The following NRROS variants were observed in gnomAD, a reference collection of about 807,000 sequenced individuals.
The protein encoded by NRROS is negative regulator of reactive oxygen species, also known as transforming growth factor beta activator LRRC33.
A neutral mutation model predicts 12.0 loss-of-function variants in NRROS; 6 were observed. That is an observed-to-expected ratio of 0.50 (90% CI 0.27 to 0.98). The LOEUF is 0.98. Among genes scored for constraint, NRROS ranks in the 50% least tolerant of loss-of-function variants. The pLI is 0.11. For synonymous variants in NRROS, 462 were observed against 410.2 expected (o/e 1.13, Z -1.53); for missense variants, 857 against 888.2 (o/e 0.96, Z 0.45).
intron 2 of NRROS, among the ~76,000 whole-genome samples, chr3:196,659,296 CTTTT>C (rs35305090): frequency 3.0e-3 from 244 of 81,436 alleles, no homozygotes; most frequent in Non-Finnish European, 4.7e-3. Flanking sequence ...CTCTCAAGTC[CTTTT>C]TTTTTTTTTT....
chr3:196,657,030 C>T (rs749011852), intron 2 of NRROS, among the ~76,000 whole-genome samples: 1 of 151,772 alleles, frequency 6.6e-6, no homozygotes, highest in Non-Finnish European at 1.5e-5. Context: ...ATGGTGAAAG[C>T]CCGTCTCTAC....
At chr3:196,641,289 C>T (rs1199255498) in intron 1 of NRROS, among the ~76,000 whole-genome samples, 1 of 152,146 alleles carries the variant, frequency 6.6e-6, no homozygotes, top group Non-Finnish European at 1.5e-5. Context: ...TCACAGATCA[C>T]TGCAGCCTCA....
chr3:196,646,874 A>AGCC (rs1737323842), intron 1 of NRROS, among the ~76,000 whole-genome samples: 1 of 152,160 alleles, frequency 6.6e-6, no homozygotes, highest in Admixed American at 6.5e-5. Context: ...GCCTTCGCCG[A>AGCC]GCCGCCGCGT....
At chr3:196,649,021 G>A (rs963400611) in intron 1 of NRROS, among the ~76,000 whole-genome samples, 6 of 152,154 alleles carry the variant, frequency 3.9e-5, no homozygotes, top group Non-Finnish European at 8.8e-5. Context: ...GTTCCACCAG[G>A]ACAGTACCCT....
Position 196,660,126 on chromosome 3 carries a change from C to T in NRROS, c.483C>T (p.Ser161=). The change falls in exon 3 of 3, where the codon TCC becomes TCT. Residue 161 remains serine, a synonymous_variant. Coordinates refer to ENST00000328557, the MANE Select transcript of NRROS (RefSeq NM_198565.3). The surrounding 1 kb of genome is among the most constrained non-coding windows in gnomAD (Gnocchi z 7.7). ...LMLQNLSSLR[S]VSLAGNTIMR... The stretch of plus-strand genomic sequence containing the variant: ...TCCAGAACCTCTCCTCGCTGCGGTC[C>T]GTGTCCCTGGCGGGGAACACCATCA... 1.9e-6 allele frequency: 3 copies of T among 1,613,072 alleles called. No individual in the cohort carries two copies. Among genetic ancestry groups the T allele is most frequent in the Non-Finnish European group, 1.7e-6 (2 of 1,179,902 alleles).
rs137985437 is a variant in NRROS, at chr3:196,660,827, C to T, written c.1184C>T (p.Pro395Leu). The T allele has an allele frequency of 2.6e-4, 422 of 1,613,534 alleles. No individual in the cohort carries two copies. Among genetic ancestry groups the T allele is most frequent in the Admixed American group, 7.8e-4 (47 of 60,008 alleles). ...CAGCTGTCGGAGCTGCACCTGGCTC[C>T]GGGGCTGGCCAGCTGCCTGGGCAGC... ...HNQLSELHLAPGLASCLGSLR... is the reference protein window; with the variant it reads ...HNQLSELHLALGLASCLGSLR... Residue 395 changes from proline (P) to leucine (L), a missense_variant, in exon 3 of 3, where the codon CCG (proline) becomes CTG (leucine). Pro to Leu is a moderately conservative substitution (Grantham distance 98). Coordinates refer to ENST00000328557, the MANE Select transcript of NRROS (RefSeq NM_198565.3). This position sits in a 1 kb window ranked among gnomAD's most constrained non-coding sequence, Gnocchi z 7.7.
chr3:196,660,308 A>G lies in NRROS; in HGVS notation c.665A>G (p.Asp222Gly), dbSNP rs559402983. Residue 222 changes from aspartate (D) to glycine (G), a missense_variant, in exon 3 of 3, where the codon GAC becomes GGC. By Grantham distance (94) the Asp-to-Gly change is moderately conservative (BLOSUM62 -1). Transcript: ENST00000328557. The surrounding 1 kb of genome is among the most constrained non-coding windows in gnomAD (Gnocchi z 7.7). ...TTCAACAACCTCCCCTGCATCGTGG[A>G]CTTCGGGCTCACGCGGCTGCGGGTC... Reference protein sequence around the residue: ...LAFNNLPCIVDFGLTRLRVLN... With the variant: ...LAFNNLPCIVGFGLTRLRVLN... The G allele has an allele frequency of 6.2e-7, 1 of 1,613,984 alleles. No individual in the cohort carries two copies. Among genetic ancestry groups the G allele is most frequent in the South Asian group, 1.1e-5 (1 of 91,076 alleles).
chr3:196,657,051 A>G (rs1737549299), intron 2 of NRROS, among the ~76,000 whole-genome samples: 1 of 151,956 alleles, frequency 6.6e-6, no homozygotes, highest in Non-Finnish European at 1.5e-5. Flanking sequence ...TAAAAATACA[A>G]AAATTAGCCA....
intron 1 of NRROS, among the ~76,000 whole-genome samples, chr3:196,644,271 C>T (rs1430042118): frequency 6.6e-6 from 1 of 151,918 alleles, no homozygotes; most frequent in Non-Finnish European, 1.5e-5. Context: ...GAATATCAGG[C>T]ACCGCATGGC....
chr3:196,648,689 C>T (rs929772311), intron 1 of NRROS, among the ~76,000 whole-genome samples: 8 of 143,894 alleles, frequency 5.6e-5, no homozygotes, highest in African/African-American at 8.0e-5. Context: ...TCACTTGAAC[C>T]CGGGAGGCGG....
chr3:196,655,407 T>G (rs1737516766), intron 2 of NRROS, among the ~76,000 whole-genome samples: 1 of 151,114 alleles, frequency 6.6e-6, no homozygotes, highest in South Asian at 2.1e-4. Flanking sequence ...TGGTGGTGCA[T>G]GCCTGTAATT....
rs1737493352 is a variant in NRROS at position 196,654,435 on chromosome 3, T to C, written c.-13-92T>C. ...AGCTCCACAGAGCTCCAAGACCACA[T>C]AGAATTGGAACTGGCTCCTTCTGCC... On this transcript the variant is annotated intron_variant, in intron 1 of 2. Transcript: ENST00000328557. This position sits in a 1 kb window ranked among gnomAD's most constrained non-coding sequence, Gnocchi z 4.4. 1 of 794,564 alleles carries C rather than the reference T, an allele frequency of 1.3e-6. No individual in the cohort carries two copies. The highest frequency in any genetic ancestry group is 2.3e-6 in the Non-Finnish European group (1 of 440,970). 49.2% of individuals were successfully genotyped at this position (794,564 alleles called of 1,614,324 possible).
chr3:196,640,780 C>T (rs1020152503), intron 1 of NRROS, among the ~76,000 whole-genome samples: 7 of 150,868 alleles, frequency 4.6e-5, no homozygotes, highest in Non-Finnish European at 8.8e-5. Flanking sequence ...GAGGCCGGAT[C>T]GGGGGTCCTA....
rs1737492149 is a variant in NRROS at position 196,654,381 on chromosome 3, T to A, written c.-13-146T>A. 3 of 621,700 alleles carry A rather than the reference T, an allele frequency of 4.8e-6. No homozygotes were observed. Among genetic ancestry groups the A allele is most frequent in the Non-Finnish European group, 8.7e-6 (3 of 345,164 alleles). The allele number at this position is 621,700 out of a possible 1,614,324, so 38.5% of individuals were successfully genotyped here. A position where few individuals can be genotyped will look rare whatever the true frequency, so the allele number is the denominator to read the frequency against. ...GAAGTCTTGGCTAAATGGAGGTATC[T>A]GAGTATCCTGTGGGCTGCACCTCTA... On this transcript the variant is annotated intron_variant, in intron 1 of 2. Coordinates refer to ENST00000328557, the MANE Select transcript of NRROS (RefSeq NM_198565.3). The surrounding 1 kb of genome is among the most constrained non-coding windows in gnomAD (Gnocchi z 4.4).
intron 2 of NRROS, among the ~76,000 whole-genome samples, chr3:196,657,917 A>G (rs1384538016): frequency 6.6e-6 from 1 of 152,200 alleles, no homozygotes; most frequent in Non-Finnish European, 1.5e-5. Context: ...ACATTTATTA[A>G]GCACAGTAAA....
chr3:196,658,588 C>A (rs1737585401), intron 2 of NRROS, among the ~76,000 whole-genome samples: 1 of 152,160 alleles, frequency 6.6e-6, no homozygotes, highest in Non-Finnish European at 1.5e-5. Context: ...TGGGATTGAA[C>A]CCACAATTGT....
rs1737686923 is a variant in NRROS at position 196,661,675 on chromosome 3, C to G, written c.2032C>G (p.Leu678Val). 2 of 1,603,400 alleles carry G rather than the reference C, an allele frequency of 1.2e-6. No homozygotes were observed. The highest frequency in any genetic ancestry group is 1.3e-5 in the African/African-American group (1 of 74,908). The part of the protein sequence containing the change: ...TVIVLTFKKP[L>V]LQVIKSRCHW... The stretch of plus-strand genomic sequence containing the variant: ...CATCGTCCTCACTTTTAAGAAGCCT[C>G]TGCTTCAGGTCATCAAGAGCCGCTG... The change falls in exon 3 of 3, where the codon CTG becomes GTG. Residue 678 changes from leucine to valine, a missense_variant. Coordinates refer to ENST00000328557, the MANE Select transcript of NRROS (RefSeq NM_198565.3).
intron 1 of NRROS, among the ~76,000 whole-genome samples, chr3:196,644,769 C>CA (rs57304721): frequency 5.9e-4 from 64 of 109,134 alleles, no homozygotes; most frequent in African/African-American, 9.7e-4. Flanking sequence ...GAGACTCTGT[C>CA]AAAAAAAAAA....
intron 1 of NRROS, among the ~76,000 whole-genome samples, chr3:196,652,859 AGGT>A (rs1737457033): frequency 6.6e-6 from 1 of 152,164 alleles, no homozygotes; most frequent in Non-Finnish European, 1.5e-5. Flanking sequence ...ACCTGACAAG[AGGT>A]GGCCAGGGAG....
Sources: allele counts gnomAD v4.1 joint callset (sites outside exome capture counted in the v4.1 genomes callset), GRCh38; gene constraint gnomAD v4.1.1; non-coding constraint Gnocchi (gnomAD v3.1); transcripts MANE v1.5; gene names NCBI Gene and HGNC (gene_info 2026-07-23, HGNC 2026-07-21).